CACNA1C: variants seen among roughly 807,000 people sequenced by gnomAD.
The protein encoded by CACNA1C is voltage-dependent L-type calcium channel subunit alpha-1C.
CACNA1C carries 30 observed loss-of-function variants against 229.0 expected under a neutral mutation model. The observed-to-expected ratio is 0.13, with a 90% CI of 0.10 to 0.18. The LOEUF (loss-of-function observed/expected upper bound fraction) is 0.18. Ranked by LOEUF, CACNA1C falls within the 10% of genes least tolerant of loss-of-function variation. The probability of loss-of-function intolerance (pLI) is 1.00; values close to 1 mark genes in which losing one functional copy is unlikely to be tolerated. For missense variants in CACNA1C, 1,658 were observed against 2,845.0 expected (o/e 0.58, Z 9.49); for synonymous variants, 1,114 against 1,132.5 (o/e 0.98, Z 0.33).
intron 10 of CACNA1C, among the ~76,000 whole-genome samples, chr12:2,554,461 G>A (rs374993867): frequency 6.6e-6 from 1 of 152,176 alleles, no homozygotes; most frequent in Non-Finnish European, 1.5e-5. Flanking sequence ...GAAGCCTTCC[G>A]AGTGTGCTGT....
intron 9 of CACNA1C, among the ~76,000 whole-genome samples, chr12:2,536,493 A>C (rs1197804968): frequency 6.6e-6 from 1 of 152,170 alleles, no homozygotes; most frequent in African/African-American, 2.4e-5. Flanking sequence ...GACTCTGGAC[A>C]AGCTGATGAC....
chr12:2,559,906 G>A (rs1017675805), intron 11 of CACNA1C, among the ~76,000 whole-genome samples: 6 of 152,130 alleles, frequency 3.9e-5, no homozygotes, highest in Non-Finnish European at 5.9e-5. Flanking sequence ...AAAGAAACAG[G>A]AAATTTCTTT....
intron 1 of CACNA1C, among the ~76,000 whole-genome samples, chr12:2,099,859 TGA>T (rs2075662736): frequency 6.6e-6 from 1 of 152,104 alleles, no homozygotes; most frequent in South Asian, 2.1e-4. Flanking sequence ...AGCTCTGTCC[TGA>T]GAGTGTGATG....
At chr12:2,600,294 C>T (rs148916991) in intron 21 of CACNA1C, among the ~76,000 whole-genome samples, 27 of 152,314 alleles carry the variant, frequency 1.8e-4, no homozygotes, top group African/African-American at 6.0e-4. Context: ...AATCTACCCA[C>T]TTCTAAAAAC....
intron 1 of CACNA1C, among the ~76,000 whole-genome samples, chr12:2,079,843 A>G (rs995352146): frequency 6.6e-5 from 10 of 152,234 alleles, no homozygotes; most frequent in African/African-American, 2.2e-4. Flanking sequence ...CAGGCTGAAG[A>G]TGAGCTTACA....
intron 3 of CACNA1C, among the ~76,000 whole-genome samples, chr12:2,328,321 G>A (rs373362145): frequency 1.3e-5 from 2 of 152,320 alleles, no homozygotes; most frequent in East Asian, 3.9e-4. Context: ...GAGGCTTTGT[G>A]CCCAGGTTTA....
chr12:2,141,789 C>A (rs767632822), intron 3 of CACNA1C, among the ~76,000 whole-genome samples: 1 of 151,182 alleles, frequency 6.6e-6, no homozygotes, highest in South Asian at 2.1e-4. Context: ...TATCTGACAG[C>A]GCTTGGCCCC....
chr12:2,357,449 G>T (rs1281734072), intron 3 of CACNA1C, among the ~76,000 whole-genome samples: 1 of 152,120 alleles, frequency 6.6e-6, no homozygotes, highest in African/African-American at 2.4e-5. Context: ...TATCTGGAGA[G>T]GTTCTTCTTT....
chr12:2,158,473 A>C (rs2095660925), intron 3 of CACNA1C, among the ~76,000 whole-genome samples: 1 of 152,136 alleles, frequency 6.6e-6, no homozygotes, highest in East Asian at 1.9e-4. Flanking sequence ...GCTACTCAGG[A>C]GGTTGAGATG....
intron 13 of CACNA1C, among the ~76,000 whole-genome samples, chr12:2,573,102 T>A (rs2057042924): frequency 6.6e-6 from 1 of 151,998 alleles, no homozygotes; most frequent in African/African-American, 2.4e-5. Context: ...TAGGCTGGAG[T>A]GTGGTAGCAT....
rs185481357 is a variant in CACNA1C at position 2,343,421 on chromosome 12, A to G, written c.478-105555A>G. ...GATTTAACAAAAAACAAAACAAAGA[A>G]ACAACAGAACAAAACCAAACACAAG... On this transcript the variant is annotated intron_variant, in intron 3 of 46. Coordinates refer to ENST00000399655, the MANE Select transcript of CACNA1C (RefSeq NM_000719.7). Among the ~76,000 whole-genome samples the G allele has an allele frequency of 2.8e-3, 421 of 152,370 alleles. 3 individuals carry two copies. Among genetic ancestry groups the G allele is most frequent in the African/African-American group, 9.5e-3 (396 of 41,590 alleles).
In CACNA1C at chr12:2,063,153, CTT is replaced by C. The variant is rs200249420; in HGVS notation, c.49+9555_49+9556del. 8.2e-4 allele frequency among the ~76,000 whole-genome samples: 118 copies of C among 143,542 alleles called. 2 individuals carry two copies. The highest frequency in any genetic ancestry group is 7.2e-3 in the East Asian group (35 of 4,830). 94.2% of individuals were successfully genotyped at this position (143,542 alleles called of 152,430 possible). ...GTGTTATTGACAGCAATAATAATTC[CTT>C]TTTTTTTTTTTTCCTGAGGTGTAGT... On this transcript the variant is annotated intron_variant, in intron 1 of 46. Transcript: ENST00000399655.
chr12:2,385,516 C>G (rs2098363416), intron 3 of CACNA1C, among the ~76,000 whole-genome samples: 1 of 152,200 alleles, frequency 6.6e-6, no homozygotes. Context: ...GCTGCTGTCT[C>G]TCCATGACCT....
chr12:2,106,594 T>C (rs71454868), intron 1 of CACNA1C, among the ~76,000 whole-genome samples: 10 of 90,594 alleles, frequency 1.1e-4, no homozygotes, highest in African/African-American at 1.6e-4. Flanking sequence ...GTGCTCACCC[T>C]GGAGAGGGTT....
chr12:2,164,305 G>A (rs549502193), intron 3 of CACNA1C, among the ~76,000 whole-genome samples: 3 of 152,328 alleles, frequency 2.0e-5, no homozygotes, highest in East Asian at 1.9e-4. Context: ...GAAGGCTGAC[G>A]GTTCACTGAA....
In CACNA1C at chr12:2,029,254, A is replaced by C. The variant is rs2047827198; in HGVS notation, c.139+58053A>C. Among the ~76,000 whole-genome samples, 1 of 152,186 alleles carries C rather than the reference A, an allele frequency of 6.6e-6. No individual in the cohort carries two copies. The highest frequency in any genetic ancestry group is 1.5e-5 in the Non-Finnish European group (1 of 68,036). On this transcript the variant is annotated intron_variant, in intron 1 of 46. Transcript: ENST00000682462. This position sits in a 1 kb window ranked among gnomAD's most constrained non-coding sequence, Gnocchi z 4.9. ...TGTCATTCGTGGGGCCAATATGTTG[A>C]TGCTGCATTTATAAATTTTTAAAAA...
intron 3 of CACNA1C, among the ~76,000 whole-genome samples, chr12:2,377,894 C>T (rs921784227): frequency 5.3e-5 from 8 of 152,154 alleles, no homozygotes; most frequent in Non-Finnish European, 8.8e-5. Flanking sequence ...GTCTCTACTA[C>T]GTGGGAAAAT....
chr12:2,079,985 G>A (rs2064847871), intron 1 of CACNA1C, among the ~76,000 whole-genome samples: 2 of 152,254 alleles, frequency 1.3e-5, no homozygotes, highest in South Asian at 2.1e-4. Flanking sequence ...TTTAGGCTGG[G>A]TGTGGTGGCT....
chr12:2,432,931 A>G (rs1035651341), intron 3 of CACNA1C, among the ~76,000 whole-genome samples: 6 of 152,128 alleles, frequency 3.9e-5, no homozygotes. Flanking sequence ...GGGCAAACAA[A>G]GCAGACACTG....
Sources: allele counts gnomAD v4.1 joint callset (sites outside exome capture counted in the v4.1 genomes callset), GRCh38; gene constraint gnomAD v4.1.1; non-coding constraint Gnocchi (gnomAD v3.1); transcripts MANE v1.5; gene names NCBI Gene and HGNC (gene_info 2026-07-23, HGNC 2026-07-21).